The following COL19A1 variants were observed in gnomAD, a reference collection of about 807,000 sequenced individuals.
COL19A1 encodes collagen alpha-1(XIX) chain.
In COL19A1, 159 loss-of-function variants were observed where a neutral mutation model predicts 190.2. The ratio of observed to expected loss-of-function variants is 0.84; its 90% CI spans 0.73 to 0.95. The LOEUF is 0.95. COL19A1 is among the 40% of genes least tolerant of loss of function. The probability of loss-of-function intolerance (pLI) is 0.00; values close to 1 mark genes in which losing one functional copy is unlikely to be tolerated. For synonymous variants in COL19A1, 509 were observed against 458.9 expected (o/e 1.11, Z -1.39); for missense variants, 1,418 against 1,431.9 (o/e 0.99, Z 0.16).
At position 69,983,021 on chromosome 6, in the gene COL19A1, TATAA is replaced by T. The variant is rs769374959; in HGVS notation, c.1026+20153_1026+20156del. On this transcript the variant is annotated intron_variant, in intron 11 of 50. Coordinates refer to ENST00000620364, the MANE Select transcript of COL19A1 (RefSeq NM_001858.6). ...ATAAATAAATAAATAAATAAATAAATATAAAATAAAATCAACATGCCAATTTCCA... is the reference window on the plus strand; with the variant it reads ...ATAAATAAATAAATAAATAAATAAATAATAAAATCAACATGCCAATTTCCA... Among the ~76,000 whole-genome samples, 306 of 148,108 alleles carry T rather than the reference TATAA, an allele frequency of 2.1e-3. 1 individual carries two copies. Among genetic ancestry groups the T allele is most frequent in the South Asian group, 6.8e-3 (32 of 4,722 alleles).
At chr6:70,072,512 T>A (rs138938026) in intron 15 of COL19A1, among the ~76,000 whole-genome samples, 14 of 152,310 alleles carry the variant, frequency 9.2e-5, no homozygotes, top group African/African-American at 3.4e-4. Flanking sequence ...AGAAACTTTA[T>A]GTTTTAAATT....
In COL19A1 at chr6:69,944,879, C is replaced by A. The variant is rs564193049; in HGVS notation, c.936+6779C>A. On this transcript the variant is annotated intron_variant, in intron 9 of 50. Transcript: ENST00000620364. Reference sequence around the variant, plus strand: ...TAACCATGCTCTTTAACACTAAACTCTGTATAACATTATTTGAAGTAATAA... The same window carrying A: ...TAACCATGCTCTTTAACACTAAACTATGTATAACATTATTTGAAGTAATAA... 2.6e-5 allele frequency among the ~76,000 whole-genome samples: 4 copies of A among 152,088 alleles called. No individual in the cohort carries two copies. The East Asian group carries it at 7.7e-4, about 29-fold the overall frequency.
At chr6:70,101,407 A>G (rs998343061) in intron 15 of COL19A1, among the ~76,000 whole-genome samples, 4 of 152,212 alleles carry the variant, frequency 2.6e-5, no homozygotes, top group African/African-American at 9.6e-5. Context: ...ATTCACGGGT[A>G]CTTAGAGAGG....
rs1329435222 is a variant in COL19A1 at position 70,212,151 on chromosome 6, A to C, written c.*4877A>C. Among the ~76,000 whole-genome samples, 1 of 152,194 alleles carries C rather than the reference A, an allele frequency of 6.6e-6. No individual in the cohort carries two copies. The highest frequency in any genetic ancestry group is 2.4e-5 in the African/African-American group (1 of 41,454). On this transcript the variant is annotated 3_prime_UTR_variant, in exon 51 of 51. Coordinates refer to ENST00000620364, the MANE Select transcript of COL19A1 (RefSeq NM_001858.6). ...AACTTTTTATTGTATTGTGTTATGCAAAGTACATTTTGGAGATAAATGTTT... is the reference window on the plus strand; with the variant it reads ...AACTTTTTATTGTATTGTGTTATGCCAAGTACATTTTGGAGATAAATGTTT...
At chr6:70,172,759 A>G (rs1218887079) in intron 41 of COL19A1, among the ~76,000 whole-genome samples, 1 of 152,212 alleles carries the variant, frequency 6.6e-6, no homozygotes, top group Non-Finnish European at 1.5e-5. Context: ...AAAAGGCTTA[A>G]CAGCTATTGT....
intron 4 of COL19A1, among the ~76,000 whole-genome samples, chr6:69,921,446 A>C (rs1306752263): frequency 2.9e-5 from 1 of 34,116 alleles, no homozygotes; most frequent in Non-Finnish European, 5.2e-5. Context: ...CATATATATC[A>C]TATATCATAT....
intron 4 of COL19A1, among the ~76,000 whole-genome samples, chr6:69,921,208 C>A (rs1280986928): frequency 7.7e-6 from 1 of 129,356 alleles, no homozygotes; most frequent in Non-Finnish European, 1.5e-5. Context: ...CACATATATT[C>A]ATATATAATA....
chr6:69,926,024 A>G (rs982395981), intron 4 of COL19A1, among the ~76,000 whole-genome samples: 4 of 152,168 alleles, frequency 2.6e-5, no homozygotes, highest in Admixed American at 1.3e-4. Flanking sequence ...CAATCATGTC[A>G]TCTGCAAACA....
chr6:70,065,552 G>A (rs1229373262), intron 14 of COL19A1, among the ~76,000 whole-genome samples: 1 of 152,090 alleles, frequency 6.6e-6, no homozygotes, highest in Admixed American at 6.6e-5. Context: ...GCATGGGCAA[G>A]GACTTCATGT....
At chr6:69,954,287 C>T (rs1043104223) in intron 9 of COL19A1, among the ~76,000 whole-genome samples, 2 of 151,990 alleles carry the variant, frequency 1.3e-5, no homozygotes, top group African/African-American at 4.8e-5. Flanking sequence ...AAAATGTGAG[C>T]TCCTGGAGTA....
At chr6:69,935,567 G>T (rs748878285) in intron 7 of COL19A1, among the ~76,000 whole-genome samples, 3 of 151,998 alleles carry the variant, frequency 2.0e-5, no homozygotes, top group Non-Finnish European at 4.4e-5. Flanking sequence ...GAACTTGTTA[G>T]GATAAATAAT....
chr6:70,001,840 A>G lies in COL19A1; in HGVS notation c.1027-21787A>G, dbSNP rs191104888. Among the ~76,000 whole-genome samples the G allele has an allele frequency of 7.2e-5, 11 of 152,210 alleles. No individual in the cohort carries two copies. The East Asian group carries it at 7.7e-4, about 11-fold the overall frequency. On this transcript the variant is annotated intron_variant, in intron 11 of 50. Coordinates refer to ENST00000620364, the MANE Select transcript of COL19A1 (RefSeq NM_001858.6). ...AGAAAATTTGACTTCCTCTCTTCCT[A>G]TTTGAATACCCTTTATTTCTTTCTG...
In COL19A1 at chr6:69,988,757, A is replaced by G. The variant is rs537205543; in HGVS notation, c.1026+25887A>G. Reference sequence around the variant, plus strand: ...AGTTCAATCATCATCTCTCAAGAGGATGGTTCCTAAATCTATAACCTAAAC... The same window carrying G: ...AGTTCAATCATCATCTCTCAAGAGGGTGGTTCCTAAATCTATAACCTAAAC... On this transcript the variant is annotated intron_variant, in intron 11 of 50. Coordinates refer to ENST00000620364, the MANE Select transcript of COL19A1 (RefSeq NM_001858.6). 4.3e-3 allele frequency among the ~76,000 whole-genome samples: 648 copies of G among 152,252 alleles called. 42 individuals are homozygous for G. In the South Asian group the frequency reaches 0.13, roughly 30 times the overall value.
intron 16 of COL19A1, among the ~76,000 whole-genome samples, chr6:70,120,004 T>C (rs927904987): frequency 3.9e-5 from 6 of 152,020 alleles, no homozygotes; most frequent in African/African-American, 1.5e-4. Context: ...GGCACAAGAA[T>C]CCCTTGAACC....
At position 69,884,869 on chromosome 6, in the gene COL19A1, T is replaced by G. The variant is rs540884536; in HGVS notation, c.91+5211T>G. 3.9e-5 allele frequency among the ~76,000 whole-genome samples: 6 copies of G among 151,980 alleles called. No homozygotes were observed. In the East Asian group the frequency reaches 1.2e-3, roughly 29 times the overall value. On this transcript the variant is annotated intron_variant, in intron 2 of 50. Transcript: ENST00000620364. ...CCTTTGGCTCTTTTCTCTTTTTTTT[T>G]TTTTCCAGACTGAGTCTCGCTCTGT...
At chr6:70,178,448 C>CA (rs1054399562) in intron 42 of COL19A1, among the ~76,000 whole-genome samples, 2 of 152,112 alleles carry the variant, frequency 1.3e-5, no homozygotes, top group Admixed American at 1.3e-4. Context: ...TTACATACTA[C>CA]AAACATGTTC....
chr6:69,893,338 G>A (rs9454909), intron 2 of COL19A1, among the ~76,000 whole-genome samples: 46,565 of 152,012 alleles, frequency 0.31, 8,667 homozygotes, highest in African/African-American at 0.52. Context: ...GATTAAAATA[G>A]GACAACAATT....
At chr6:70,060,525 C>A (rs530590685) in intron 14 of COL19A1, among the ~76,000 whole-genome samples, 2 of 152,230 alleles carry the variant, frequency 1.3e-5, no homozygotes, top group Non-Finnish European at 2.9e-5. Context: ...ACTGCCTGAG[C>A]TCCACCTCCT....
chr6:70,071,314 C>G (rs1041436979), intron 15 of COL19A1, among the ~76,000 whole-genome samples: 1 of 152,078 alleles, frequency 6.6e-6, no homozygotes, highest in South Asian at 2.1e-4. Context: ...AATAGCAACA[C>G]TATTTTTGCA....
Sources: gnomAD v4.1 joint callset for allele counts (sites outside exome capture counted in the v4.1 genomes callset) on GRCh38, gnomAD v4.1.1 for gene constraint, MANE v1.5 for transcripts, NCBI Gene and HGNC (gene_info 2026-07-23, HGNC 2026-07-21) for gene names.